TDRD6: variants seen among roughly 807,000 people sequenced by gnomAD.
TDRD6 encodes the protein tudor domain containing 6.
In TDRD6, 186 loss-of-function variants were observed where a neutral mutation model predicts 157.5. That is an observed-to-expected ratio of 1.18 (90% CI 1.05 to 1.33). The LOEUF (loss-of-function observed/expected upper bound fraction) is 1.33. Among genes scored for constraint, TDRD6 ranks in the 40% most tolerant of loss-of-function variants. TDRD6 has a pLI of 0.00. For synonymous variants in TDRD6, 1,075 were observed against 945.2 expected, an observed-to-expected ratio of 1.14 and a Z score of -2.52; for missense variants, 3,066 against 2,508.0, an observed-to-expected ratio of 1.22 and a Z score of -4.75.
In TDRD6 at chr6:46,690,900, A is replaced by G. The variant is rs773023800; in HGVS notation, c.2772A>G (p.Ile924Met). ...WQKNLELKCT[I>M]FALASINEEL... ...AAAATCTAGAATTAAAATGTACAAT[A>G]TTTGCTCTGGCTTCAATTAATGAAG... The change falls in exon 1 of 4, where the codon ATA (isoleucine) becomes ATG (methionine). Residue 924 changes from isoleucine to methionine, a missense_variant. Transcript: ENST00000316081. 9 of 1,614,060 alleles carry G rather than the reference A, an allele frequency of 5.6e-6. No homozygotes were observed. The highest frequency in any genetic ancestry group is 7.6e-6 in the Non-Finnish European group (9 of 1,179,978).
chr6:46,687,304 C>T (rs1764120772), upstream of TDRD6, among the ~76,000 whole-genome samples: 1 of 152,122 alleles, frequency 6.6e-6, no homozygotes, highest in Non-Finnish European at 1.5e-5. Flanking sequence ...AGTTAGACAG[C>T]AAAGGAGCAA....
Position 46,691,867 on chromosome 6 carries a change from A to G in TDRD6, c.3739A>G (p.Asn1247Asp), listed in dbSNP as rs747984826. The G allele has an allele frequency of 6.3e-6, 10 of 1,592,602 alleles. No individual in the cohort carries two copies. Among genetic ancestry groups the G allele is most frequent in the Non-Finnish European group, 8.5e-6 (10 of 1,174,852 alleles). ...ATATCAAGACTCTGTGGGAAATAAA[A>G]ATAGTCAAGTGTTTCCATTAACAAC... Reference protein sequence around the residue: ...TQYQDSVGNKNSQVFPLTTEK... With the variant: ...TQYQDSVGNKDSQVFPLTTEK... Residue 1247 changes from asparagine to aspartate, a missense_variant, in exon 1 of 4, where the codon AAT becomes GAT. Coordinates refer to ENST00000316081, the MANE Select transcript of TDRD6 (RefSeq NM_001010870.3).
upstream of TDRD6, among the ~76,000 whole-genome samples, chr6:46,683,142 A>G (rs1764002431): frequency 6.6e-6 from 1 of 152,022 alleles, no homozygotes; most frequent in South Asian, 2.1e-4. Flanking sequence ...AACAGAATAA[A>G]GGGTCAAAGA....
At position 46,703,668 on chromosome 6, in the gene TDRD6, AT is replaced by A. The variant is rs1247562204; in HGVS notation, c.*1786del. 1.3e-5 allele frequency: 2 copies of A among 152,026 alleles called. No homozygotes were observed. Among genetic ancestry groups the A allele is most frequent in the African/African-American group, 2.4e-5 (1 of 41,416 alleles). The allele number at this position is 152,026 out of a possible 1,614,324, so 9.4% of individuals were successfully genotyped here. A position where few individuals can be genotyped will look rare whatever the true frequency, so the allele number is the denominator to read the frequency against. On this transcript the variant is annotated 3_prime_UTR_variant, in exon 4 of 4. Coordinates refer to ENST00000316081, the MANE Select transcript of TDRD6 (RefSeq NM_001010870.3). ...TTATAAGTATAAATTCTTAAGCTATATTTTTACCTCCATTTAATCGTGTTAT... is the reference window on the plus strand; with the variant it reads ...TTATAAGTATAAATTCTTAAGCTATATTTTACCTCCATTTAATCGTGTTAT...
Position 46,688,418 on chromosome 6 carries a change from TC to T in TDRD6, c.292del (p.Leu98CysfsTer34). The T allele has an allele frequency of 6.5e-7, 1 of 1,540,190 alleles. No homozygotes were observed. The highest frequency in any genetic ancestry group is 8.7e-7 in the Non-Finnish European group (1 of 1,145,856). Reference sequence around the variant, plus strand: ...CGGCAGGCACAGGAGAGCCGTGTCTTCCTGCTGGACGAGGGCCGCACCATCA... The same window carrying T: ...CGGCAGGCACAGGAGAGCCGTGTCTTCTGCTGGACGAGGGCCGCACCATCA... Reference protein sequence around the residue: ...VSRQAQESRVFLLDEGRTITA... With the variant: ...VSRQAQESRVXLLDEGRTITA... On this transcript the variant is annotated frameshift_variant, in exon 1 of 4. Transcript: ENST00000316081. LOFTEE classifies it high-confidence loss of function.
rs1764665780 is a variant in TDRD6, at chr6:46,703,208, G to GTATCTC, written c.*1323_*1328dup. ...TGCTAAATGAGACTGGGGTAAAGGTGTATCTCTGTGAAGCATTATCAGACT... is the reference window on the plus strand; with the variant it reads ...TGCTAAATGAGACTGGGGTAAAGGTGTATCTCTATCTCTGTGAAGCATTATCAGACT... On this transcript the variant is annotated 3_prime_UTR_variant, in exon 4 of 4. Coordinates refer to ENST00000316081, the MANE Select transcript of TDRD6 (RefSeq NM_001010870.3). 6.6e-6 allele frequency: 1 copy of GTATCTC among 152,014 alleles called. No homozygotes were observed. The highest frequency in any genetic ancestry group is 1.5e-5 in the Non-Finnish European group (1 of 67,944). 9.4% of individuals were successfully genotyped at this position (152,014 alleles called of 1,614,324 possible). A position where few individuals can be genotyped will look rare whatever the true frequency, so the allele number is the denominator to read the frequency against.
intron 1 of TDRD6, among the ~76,000 whole-genome samples, chr6:46,695,523 C>T (rs1341231269): frequency 6.6e-6 from 1 of 151,970 alleles, no homozygotes; most frequent in Non-Finnish European, 1.5e-5. Flanking sequence ...TAAAAAACAC[C>T]ACTTGTCTTA....
intron 3 of TDRD6, among the ~76,000 whole-genome samples, chr6:46,700,652 C>T (rs1224711882): frequency 1.3e-5 from 2 of 152,002 alleles, no homozygotes; most frequent in Non-Finnish European, 2.9e-5. Flanking sequence ...GCATCTGTGG[C>T]TCTACATGGA....
Position 46,688,962 on chromosome 6 carries a change from C to T in TDRD6, c.834C>T (p.Arg278=), listed in dbSNP as rs2150676349. The change falls in exon 1 of 4, where the codon CGC becomes CGT. Residue 278 remains arginine (R), a synonymous_variant. Coordinates refer to ENST00000316081, the MANE Select transcript of TDRD6 (RefSeq NM_001010870.3). ...QLRSVSQEIH[R]LSESMAQVYR... ...GCAGCGTCTCGCAGGAGATCCACCG[C>T]CTCTCCGAGAGCATGGCCCAGGTAT... The T allele has an allele frequency of 6.2e-7, 1 of 1,613,304 alleles. No homozygotes were observed. Among genetic ancestry groups the T allele is most frequent in the African/African-American group, 1.3e-5 (1 of 75,052 alleles).
In TDRD6 at chr6:46,689,399, A is replaced by G. The variant is rs763290809; in HGVS notation, c.1271A>G (p.Tyr424Cys). ...SFEHVYYVSL[Y>C]GEDGINLNRV... The stretch of plus-strand genomic sequence containing the variant: ...GAGCATGTGTATTATGTCAGCCTGT[A>G]TGGAGAAGATGGGATTAATCTGAAC... The change falls in exon 1 of 4, where the codon TAT becomes TGT. Residue 424 changes from tyrosine to cysteine, a missense_variant. Transcript: ENST00000316081. 1.3e-5 allele frequency: 21 copies of G among 1,613,812 alleles called. No individual in the cohort carries two copies. Among genetic ancestry groups the G allele is most frequent in the Admixed American group, 1.7e-5 (1 of 60,022 alleles).
Position 46,688,098 on chromosome 6 carries a change from C to G in TDRD6, c.-31C>G. The stretch of plus-strand genomic sequence containing the variant: ...GGCCCTGAGGCGCGGCCCTTAATTT[C>G]CGGAAGTGGGGGCCGCGCCGCGCCG... On this transcript the variant is annotated 5_prime_UTR_variant, in exon 1 of 4. Transcript: ENST00000316081. 4 of 1,450,086 alleles carry G rather than the reference C, an allele frequency of 2.8e-6. No individual in the cohort carries two copies. The highest frequency in any genetic ancestry group is 3.6e-6 in the Non-Finnish European group (4 of 1,111,576). The allele number at this position is 1,450,086 out of a possible 1,614,324, so 89.8% of individuals were successfully genotyped here.
At chr6:46,700,139 T>C (rs1764586109) in intron 3 of TDRD6, among the ~76,000 whole-genome samples, 1 of 152,176 alleles carries the variant, frequency 6.6e-6, no homozygotes, top group South Asian at 2.1e-4. Flanking sequence ...AATGCATACA[T>C]ATGTACATAC....
intron 2 of TDRD6, among the ~76,000 whole-genome samples, chr6:46,696,579 G>GTCTA (rs1360765143): frequency 2.1e-5 from 1 of 48,436 alleles, no homozygotes; most frequent in Non-Finnish European, 3.4e-5. Flanking sequence ...GTGTGTGTGT[G>GTCTA]TGTATATATA....
chr6:46,681,140 C>T, the TDRD6 span, among the ~76,000 whole-genome samples: 2 of 152,214 alleles, frequency 1.3e-5, no homozygotes, highest in African/African-American at 4.8e-5. Flanking sequence ...GACATTTATA[C>T]ACATGATTAA....
rs896813680 is a variant in TDRD6 at position 46,691,736 on chromosome 6, T to A, written c.3608T>A (p.Leu1203Ter). ...EYLSKSVGYK[L>*]PNKEILEESY... The stretch of plus-strand genomic sequence containing the variant: ...TTAAGTAAATCAGTAGGGTACAAGT[T>A]ACCTAATAAAGAAATTTTGGAAGAG... Residue 1203 changes from leucine (L) to a stop codon, truncating the protein, a stop_gained, in exon 1 of 4, where the codon TTA becomes TAA. Coordinates refer to ENST00000316081, the MANE Select transcript of TDRD6 (RefSeq NM_001010870.3). LOFTEE classifies it high-confidence loss of function. The A allele has an allele frequency of 6.3e-7, 1 of 1,593,580 alleles. No homozygotes were observed. The highest frequency in any genetic ancestry group is 8.5e-7 in the Non-Finnish European group (1 of 1,174,674).
rs747121304 is a variant in TDRD6, at chr6:46,689,029, G to A, written c.901G>A (p.Ala301Thr). The part of the protein sequence containing the change: ...TGTGDENSTS[A>T]TWEEREESPD... ...GACAGGGGATGAGAACTCTACCAGTGCCACCTGGGAGGAGAGGGAGGAGAG... is the reference window on the plus strand; with the variant it reads ...GACAGGGGATGAGAACTCTACCAGTACCACCTGGGAGGAGAGGGAGGAGAG... Residue 301 changes from alanine to threonine, a missense_variant, in exon 1 of 4, where the codon GCC (alanine) becomes ACC (threonine). Transcript: ENST00000316081. The A allele has an allele frequency of 4.3e-6, 7 of 1,613,934 alleles. No homozygotes were observed. Among genetic ancestry groups the A allele is most frequent in the Non-Finnish European group, 5.9e-6 (7 of 1,179,868 alleles).
rs45610733 is a variant in TDRD6 at position 46,689,976 on chromosome 6, A to G, written c.1848A>G (p.Ala616=). ...WPLGKTWSQE[A]VSFFKKTVLH... ...TGGGAAAAACTTGGAGCCAGGAGGC[A>G]GTTTCCTTTTTTAAAAAGACTGTGC... Residue 616 remains alanine (A), a synonymous_variant, in exon 1 of 4, where the codon GCA becomes GCG. Coordinates refer to ENST00000316081, the MANE Select transcript of TDRD6 (RefSeq NM_001010870.3). 4.4e-3 allele frequency: 7,078 copies of G among 1,613,528 alleles called. 24 individuals are homozygous for G. The highest frequency in any genetic ancestry group is 5.6e-3 in the Non-Finnish European group (6,586 of 1,179,746).
intron 2 of TDRD6, among the ~76,000 whole-genome samples, chr6:46,696,559 G>A (rs1371380284): frequency 5.1e-5 from 3 of 58,260 alleles, no homozygotes; most frequent in East Asian, 5.3e-4. Context: ...ATATGTGTGT[G>A]TGTGTGTGTG....
chr6:46,690,978 C>T lies in TDRD6; in HGVS notation c.2850C>T (p.Phe950=). ...LLTPFQSACH[F]LVEKRLARPV... is the part of the protein sequence containing the mutation. ...CCCCCTTTCAGAGTGCATGCCATTT[C>T]TTGGTAGAAAAGAGACTTGCAAGAC... Residue 950 remains phenylalanine, a synonymous_variant, in exon 1 of 4, where the codon TTC becomes TTT. Transcript: ENST00000316081. 1 of 1,614,074 alleles carries T rather than the reference C, an allele frequency of 6.2e-7. No homozygotes were observed. Among genetic ancestry groups the T allele is most frequent in the Non-Finnish European group, 8.5e-7 (1 of 1,179,976 alleles).
Sources: gnomAD v4.1 joint callset for allele counts (sites outside exome capture counted in the v4.1 genomes callset) on GRCh38, gnomAD v4.1.1 for gene constraint, MANE v1.5 for transcripts, NCBI Gene and HGNC (gene_info 2026-07-23, HGNC 2026-07-21) for gene names.